Variants in BTRC observed in about 807,000 individuals in gnomAD.
BTRC encodes beta-transducin repeat containing E3 ubiquitin protein ligase, also known as F-box/WD repeat-containing protein 1A.
Under a neutral mutation model 85.5 loss-of-function variants are expected in BTRC, and 42 were observed. The ratio of observed to expected loss-of-function variants is 0.49; its 90% CI spans 0.38 to 0.64. The LOEUF (loss-of-function observed/expected upper bound fraction) is 0.64, where lower values mean the gene tolerates loss of function less well. Ranked by LOEUF, BTRC falls within the 30% of genes least tolerant of loss-of-function variation. The probability of loss-of-function intolerance (pLI) is 0.00; values close to 1 mark genes in which losing one functional copy is unlikely to be tolerated. For synonymous variants in BTRC, 255 were observed against 263.3 expected, an observed-to-expected ratio of 0.97 and a Z score of 0.30; for missense variants, 594 against 743.5, an observed-to-expected ratio of 0.80 and a Z score of 2.34.
chr10:101,411,699 C>T lies in BTRC; in HGVS notation c.49-18646C>T, dbSNP rs141125856. Among the ~76,000 whole-genome samples the T allele has an allele frequency of 5.5e-5, 8 of 145,126 alleles. No individual in the cohort carries two copies. The East Asian group carries it at 1.6e-3, about 28-fold the overall frequency. On this transcript the variant is annotated intron_variant, in intron 1 of 14. Coordinates refer to ENST00000370187, the MANE Select transcript of BTRC (RefSeq NM_033637.4). ...ATAGCTGTTTTAATTTTTAGGTCTG[C>T]TAATTTCATTGTCAGTTTTTTTCTG...
Position 101,539,176 on chromosome 10 carries a change from C to G in BTRC, c.1656+805C>G, listed in dbSNP as rs117969640. Among the ~76,000 whole-genome samples the G allele has an allele frequency of 8.8e-3, 1,335 of 152,248 alleles. 42 individuals carry two copies. The highest frequency in any genetic ancestry group is 0.053 in the East Asian group (274 of 5,182). On this transcript the variant is annotated intron_variant, in intron 13 of 14. Transcript: ENST00000370187. ...CCATCTTTTTTGTTCCCCATATACC[C>G]CCTTTTGACATTTGGGGAAAAAAGT...
chr10:101,439,303 G>A (rs1394325409), intron 2 of BTRC, among the ~76,000 whole-genome samples: 4 of 152,092 alleles, frequency 2.6e-5, no homozygotes, highest in East Asian at 1.9e-4. Context: ...CAAGGTACAC[G>A]AGCAAAGCAC....
At chr10:101,385,143 GGC>G (rs2133967572) in intron 1 of BTRC, among the ~76,000 whole-genome samples, 2 of 151,952 alleles carry the variant, frequency 1.3e-5, no homozygotes, top group South Asian at 4.2e-4. Flanking sequence ...GGCTGCAGTG[GGC>G]TATGATTCCT....
intron 5 of BTRC, 129 bp downstream of exon 5, chr10:101,521,999 CT>C: frequency 5.5e-6 from 1 of 182,842 alleles, no homozygotes; most frequent in Non-Finnish European, 9.7e-6. Context: ...TTAACTGTAC[CT>C]TTTTGATATA....
intron 4 of BTRC, among the ~76,000 whole-genome samples, chr10:101,502,461 C>T (rs373584277): frequency 6.6e-6 from 1 of 151,804 alleles, no homozygotes; most frequent in East Asian, 1.9e-4. Flanking sequence ...CTTCCTTTTG[C>T]TCTTTTCTGT....
chr10:101,532,036 T>A (rs1209311711), intron 7 of BTRC, among the ~76,000 whole-genome samples: 1 of 152,208 alleles, frequency 6.6e-6, no homozygotes, highest in East Asian at 1.9e-4. Flanking sequence ...TGATGAGTAG[T>A]CTCTTTCCAC....
At chr10:101,423,080 C>T (rs905056166) in intron 1 of BTRC, among the ~76,000 whole-genome samples, 1 of 151,520 alleles carries the variant, frequency 6.6e-6, no homozygotes, top group African/African-American at 2.4e-5. Flanking sequence ...TTTTATTTTC[C>T]AGTTTTTCAT....
At chr10:101,394,980 C>T (rs970359693) in intron 1 of BTRC, among the ~76,000 whole-genome samples, 2 of 152,182 alleles carry the variant, frequency 1.3e-5, no homozygotes, top group African/African-American at 4.8e-5. Context: ...ATCCTGTCAA[C>T]ATGCATCACA....
rs755481178 is a variant in BTRC, at chr10:101,549,713, C to CAAAAAAAAAAAAAAAAAAAAAAAAA, written c.1657-963_1657-962insAAAAAAAAAAAAAAAAAAAAAAAAA. Among the ~76,000 whole-genome samples the CAAAAAAAAAAAAAAAAAAAAAAAAA allele has an allele frequency of 4.7e-4, 20 of 42,762 alleles. 6 individuals are homozygous for CAAAAAAAAAAAAAAAAAAAAAAAAA. The highest frequency in any genetic ancestry group is 2.5e-3 in the East Asian group (2 of 792). The allele number at this position is 42,762 out of a possible 152,430, so 28.1% of individuals were successfully genotyped here. A position where few individuals can be genotyped will look rare whatever the true frequency, so the allele number is the denominator to read the frequency against. The stretch of plus-strand genomic sequence containing the variant: ...GGGGCGAAAGAGCGAGACTCTGTCT[C>CAAAAAAAAAAAAAAAAAAAAAAAAA]AAAAAAAAAAAAAAAAAAAAAAAGA... On this transcript the variant is annotated intron_variant, in intron 13 of 14. Coordinates refer to ENST00000370187, the MANE Select transcript of BTRC (RefSeq NM_033637.4).
At chr10:101,359,819 C>G (rs1382127809) in intron 1 of BTRC, among the ~76,000 whole-genome samples, 3 of 152,062 alleles carry the variant, frequency 2.0e-5, no homozygotes, top group Non-Finnish European at 4.4e-5. Context: ...AGGCTGGTCT[C>G]GAACTCCCAA....
intron 5 of BTRC, among the ~76,000 whole-genome samples, chr10:101,523,454 T>C (rs1381572596): frequency 6.6e-6 from 1 of 152,190 alleles, no homozygotes; most frequent in Non-Finnish European, 1.5e-5. Context: ...GAGTCTTGTG[T>C]ATTCAAAGTT....
chr10:101,446,052 G>A (rs553938911), intron 2 of BTRC, among the ~76,000 whole-genome samples: 3 of 152,162 alleles, frequency 2.0e-5, no homozygotes, highest in South Asian at 2.1e-4. Flanking sequence ...TGGATGAAAG[G>A]CATTCAGCCT....
rs967877542 is a variant in BTRC, at chr10:101,455,908, G to A, written c.157-6073G>A. On this transcript the variant is annotated intron_variant, in intron 2 of 14. Transcript: ENST00000370187. ...TGTAATCCCAGGACTTTGGGAGGCCGAGGTGGGTGGATCACTTGAGGTTAG... is the reference window on the plus strand; with the variant it reads ...TGTAATCCCAGGACTTTGGGAGGCCAAGGTGGGTGGATCACTTGAGGTTAG... 5.3e-5 allele frequency among the ~76,000 whole-genome samples: 8 copies of A among 151,664 alleles called. No homozygotes were observed. The South Asian group carries it at 8.3e-4, about 16-fold the overall frequency.
chr10:101,367,850 G>C (rs1390417009), intron 1 of BTRC, among the ~76,000 whole-genome samples: 1 of 152,142 alleles, frequency 6.6e-6, no homozygotes, highest in Non-Finnish European at 1.5e-5. Context: ...ATTTTTGATG[G>C]ACACTTGGGT....
chr10:101,546,351 AC>A (rs1464126210), intron 13 of BTRC, among the ~76,000 whole-genome samples: 1 of 152,242 alleles, frequency 6.6e-6, no homozygotes, highest in Non-Finnish European at 1.5e-5. Context: ...TAAACAACAC[AC>A]CTCTAAATAA....
At chr10:101,536,842 A>G (rs1443079182) in intron 12 of BTRC, among the ~76,000 whole-genome samples, 189 bp downstream of exon 12, 2 of 152,068 alleles carry the variant, frequency 1.3e-5, no homozygotes, top group African/African-American at 4.8e-5. Flanking sequence ...TATTCTTCCC[A>G]TTCATTTTAT....
intron 13 of BTRC, among the ~76,000 whole-genome samples, chr10:101,541,553 C>T (rs1322098635): frequency 1.3e-5 from 2 of 152,152 alleles, no homozygotes; most frequent in Admixed American, 6.5e-5. Context: ...AACCACCGCG[C>T]CCGGCCTAGG....
At chr10:101,363,003 T>C (rs577747303) in intron 1 of BTRC, among the ~76,000 whole-genome samples, 1 of 152,332 alleles carries the variant, frequency 6.6e-6, no homozygotes, top group Non-Finnish European at 1.5e-5. Flanking sequence ...CTTTTGAGTA[T>C]CTGTGGATTT....
chr10:101,508,241 G>A (rs1293734820), intron 4 of BTRC, among the ~76,000 whole-genome samples: 1 of 152,044 alleles, frequency 6.6e-6, no homozygotes, highest in Non-Finnish European at 1.5e-5. Context: ...TATATACTGG[G>A]CAATGTCAGT....
Sources: gnomAD v4.1 joint callset for allele counts (sites outside exome capture counted in the v4.1 genomes callset) on GRCh38, gnomAD v4.1.1 for gene constraint, MANE v1.5 for transcripts, NCBI Gene and HGNC (gene_info 2026-07-23, HGNC 2026-07-21) for gene names.